The following USH2A variants were observed in gnomAD, a reference collection of about 807,000 sequenced individuals.
USH2A encodes usherin.
Under a neutral mutation model 538.9 loss-of-function variants are expected in USH2A, and 443 were observed. The observed-to-expected ratio is 0.82, with a 90% CI of 0.76 to 0.89. The LOEUF is 0.89. Among genes scored for constraint, USH2A ranks in the 40% least tolerant of loss-of-function variants. The pLI, the probability that USH2A is intolerant of heterozygous loss-of-function variation, is 0.00. For synonymous variants in USH2A, 2,413 were observed against 2,273.5 expected, an observed-to-expected ratio of 1.06 and a Z score of -1.75; for missense variants, 6,633 against 6,324.8, an observed-to-expected ratio of 1.05 and a Z score of -1.65.
chr1:215,897,255 C>A (rs933076321), intron 40 of USH2A, among the ~76,000 whole-genome samples: 4 of 152,088 alleles, frequency 2.6e-5, no homozygotes, highest in African/African-American at 9.7e-5. Flanking sequence ...CCATTGGTGA[C>A]CCATTTTGGC....
Position 215,780,032 on chromosome 1 carries a change from C to A in USH2A, c.10750G>T (p.Ala3584Ser). Residue 3584 changes from alanine (A) to serine (S), a missense_variant, in exon 55 of 72, where the codon GCT becomes TCT. Ala to Ser is a moderately conservative substitution (Grantham distance 99, BLOSUM62 1). Transcript: ENST00000307340. ...CTCTCCGGAACTCCTTGGGTAGTAG[C>A]TGCAACTACCTGAAGACGTAGGAAT... ...GCATSSKVVA[A>S]TTQGVPESIL... is the part of the protein sequence containing the mutation. The A allele has an allele frequency of 6.2e-7, 1 of 1,614,118 alleles. No homozygotes were observed. Among genetic ancestry groups the A allele is most frequent in the African/African-American group, 1.3e-5 (1 of 75,026 alleles).
chr1:216,282,434 C>A (rs937002717), intron 11 of USH2A, among the ~76,000 whole-genome samples: 2 of 152,154 alleles, frequency 1.3e-5, no homozygotes, highest in African/African-American at 4.8e-5. Context: ...CAAGTTCATT[C>A]TTTTGCATAT....
intron 69 of USH2A, among the ~76,000 whole-genome samples, chr1:215,635,531 T>TTTTATTTATTTA (rs35379579): frequency 0.35 from 50,361 of 141,954 alleles, 10,199 homozygotes; most frequent in Non-Finnish European, 0.46. Context: ...GTAGGATTAT[T>TTTTATTTATTTA]TTTATTTATT....
chr1:215,707,590 T>C (rs1659215944), intron 61 of USH2A, among the ~76,000 whole-genome samples: 1 of 152,214 alleles, frequency 6.6e-6, no homozygotes, highest in Non-Finnish European at 1.5e-5. Context: ...AGGATAATTG[T>C]TTAAATTTGA....
At position 216,283,357 on chromosome 1, in the gene USH2A, T is replaced by G. The variant is rs113022364; in HGVS notation, c.1971+5923A>C. Among the ~76,000 whole-genome samples the G allele has an allele frequency of 4.0e-3, 616 of 152,358 alleles. 2 individuals are homozygous for G. Among genetic ancestry groups the G allele is most frequent in the African/African-American group, 0.014 (587 of 41,586 alleles). ...CACCCGCCTCGGCTTCCCAAAGTGC[T>G]GGGATTACAGGCATGAGCCACCGCG... On this transcript the variant is annotated intron_variant, in intron 11 of 71. Transcript: ENST00000307340.
At chr1:216,027,283 A>G (rs937452780) in intron 32 of USH2A, among the ~76,000 whole-genome samples, 6 of 152,180 alleles carry the variant, frequency 3.9e-5, no homozygotes, top group African/African-American at 1.2e-4. Context: ...TACAAAGAAA[A>G]GACCACGTAA....
intron 21 of USH2A, among the ~76,000 whole-genome samples, chr1:216,097,965 CT>C: frequency 6.6e-6 from 1 of 151,656 alleles, no homozygotes; most frequent in East Asian, 1.9e-4. Context: ...TGCCTCCCCC[CT>C]ACCTTTACAT....
At chr1:215,669,918 A>C (rs1257079155) in intron 64 of USH2A, among the ~76,000 whole-genome samples, 1 of 152,178 alleles carries the variant, frequency 6.6e-6, no homozygotes, top group Non-Finnish European at 1.5e-5. Flanking sequence ...TGTTATAATA[A>C]GCTTTTTAAG....
intron 36 of USH2A, among the ~76,000 whole-genome samples, chr1:215,968,309 C>A (rs904188722): frequency 1.1e-4 from 17 of 152,006 alleles, no homozygotes; most frequent in Admixed American, 9.8e-4. Flanking sequence ...CTGAAAAAAA[C>A]CACAGGAGAA....
chr1:216,201,020 C>CCTTT (rs2034985920), intron 16 of USH2A, among the ~76,000 whole-genome samples: 1 of 116,862 alleles, frequency 8.6e-6, no homozygotes, highest in African/African-American at 3.5e-5. Flanking sequence ...TCCCTTCCTT[C>CCTTT]CTTCCTTCCT....
intron 3 of USH2A, among the ~76,000 whole-genome samples, chr1:216,370,923 C>T (rs578175234): frequency 6.6e-6 from 1 of 152,168 alleles, no homozygotes; most frequent in East Asian, 1.9e-4. Context: ...ACTATAACCA[C>T]TTACTTACTA....
intron 9 of USH2A, among the ~76,000 whole-genome samples, chr1:216,311,688 C>T (rs1469951914): frequency 6.6e-6 from 1 of 152,078 alleles, no homozygotes; most frequent in East Asian, 1.9e-4. Context: ...TGACACCTGG[C>T]ATGGAGGACG....
At chr1:216,073,369 T>C in intron 27 of USH2A, 69 bp from the exon 28 acceptor site, 1 of 1,517,826 alleles carries the variant, frequency 6.6e-7, no homozygotes, top group Non-Finnish European at 9.0e-7. Context: ...ATTTTTGTCC[T>C]CTGCAGCACT....
chr1:216,134,792 TATTAAA>T (rs1187311246), intron 21 of USH2A, among the ~76,000 whole-genome samples: 1 of 152,126 alleles, frequency 6.6e-6, no homozygotes, highest in Non-Finnish European at 1.5e-5. Context: ...TGCTTGATTG[TATTAAA>T]ATTAAATAGA....
chr1:215,997,951 G>A (rs897324772), intron 34 of USH2A, among the ~76,000 whole-genome samples: 2 of 151,996 alleles, frequency 1.3e-5, no homozygotes, highest in Non-Finnish European at 2.9e-5. Flanking sequence ...TTGTTTTGTG[G>A]TGTTAAGTCA....
chr1:215,863,469 A>G (rs760505864), intron 44 of USH2A, among the ~76,000 whole-genome samples: 1 of 152,248 alleles, frequency 6.6e-6, no homozygotes, highest in Non-Finnish European at 1.5e-5. Context: ...ACTTCTAGCT[A>G]TCAAACCTGG....
At chr1:216,277,373 T>A (rs539035682) in intron 11 of USH2A, among the ~76,000 whole-genome samples, 1 of 152,160 alleles carries the variant, frequency 6.6e-6, no homozygotes, top group Non-Finnish European at 1.5e-5. Flanking sequence ...TCTCTCTTGC[T>A]GATACATGCT....
intron 21 of USH2A, chr1:216,174,532 T>A (rs2034336985): frequency 1.0e-6 from 1 of 984,478 alleles, no homozygotes; most frequent in Non-Finnish European, 1.2e-6. Flanking sequence ...TTTGATAATA[T>A]TTTTATAGTG....
rs139997881 is a variant in USH2A, at chr1:216,323,636, T to C, written c.1388A>G (p.Tyr463Cys). Reference protein sequence around the residue: ...TFSILTPGPNYRPGYNNFYNT... With the variant: ...TFSILTPGPNCRPGYNNFYNT... ...ATAGAAGTTATTGTATCCAGGACGATAATTTGGTCCAGGTGTCAGGATGCT... is the reference window on the plus strand; with the variant it reads ...ATAGAAGTTATTGTATCCAGGACGACAATTTGGTCCAGGTGTCAGGATGCT... Residue 463 changes from tyrosine (Y) to cysteine (C), a missense_variant, in exon 8 of 72, where the codon TAT (tyrosine) becomes TGT (cysteine). Coordinates refer to ENST00000307340, the MANE Select transcript of USH2A (RefSeq NM_206933.4). 9 of 1,613,500 alleles carry C rather than the reference T, an allele frequency of 5.6e-6. No homozygotes were observed. In the African/African-American group the frequency reaches 9.3e-5, roughly 17 times the overall value.
Sources: gnomAD v4.1 joint callset for allele counts (sites outside exome capture counted in the v4.1 genomes callset) on GRCh38, gnomAD v4.1.1 for gene constraint, MANE v1.5 for transcripts, NCBI Gene and HGNC (gene_info 2026-07-23, HGNC 2026-07-21) for gene names.